PDE11A: variants seen among roughly 807,000 people sequenced by gnomAD.
PDE11A encodes phosphodiesterase 11A.
In PDE11A, 100 loss-of-function variants were observed where a neutral mutation model predicts 100.5. The observed-to-expected ratio is 1.00, with a 90% CI of 0.85 to 1.18. The LOEUF (loss-of-function observed/expected upper bound fraction) is 1.18. Ranked by LOEUF, PDE11A falls within the 50% of genes most tolerant of loss-of-function variation. PDE11A has a pLI of 0.00. For missense variants in PDE11A, 1,141 were observed against 1,152.6 expected (o/e 0.99, Z 0.15); for synonymous variants, 381 against 420.8 (o/e 0.91, Z 1.16).
In PDE11A at chr2:178,071,870, T is replaced by C. The variant is rs2087136454; in HGVS notation, c.568A>G (p.Ile190Val). The stretch of plus-strand genomic sequence containing the variant: ...TTTTTCAGATGGCACTTGTAGTCGA[T>C]GGCTGTAGGGGGATACCGAGGCAGA... ...VNLPRYPPTA[I>V]DYKCHLKKHN... Residue 190 changes from isoleucine to valine, a missense_variant, in exon 1 of 20, where the codon ATC becomes GTC. Transcript: ENST00000286063. 2 of 1,614,034 alleles carry C rather than the reference T, an allele frequency of 1.2e-6. No homozygotes were observed. Among genetic ancestry groups the C allele is most frequent in the Admixed American group, 1.7e-5 (1 of 60,012 alleles).
chr2:177,877,444 C>T (rs1222722944), intron 4 of PDE11A, among the ~76,000 whole-genome samples: 1 of 152,130 alleles, frequency 6.6e-6, no homozygotes, highest in Non-Finnish European at 1.5e-5. Context: ...AGATTACAGG[C>T]ACGAGCCACC....
At chr2:177,825,173 T>TA (rs891239192) in intron 6 of PDE11A, among the ~76,000 whole-genome samples, 12 of 152,130 alleles carry the variant, frequency 7.9e-5, no homozygotes, top group Non-Finnish European at 5.9e-5. Flanking sequence ...TGATCAGGAA[T>TA]AAAAGTCAAG....
chr2:178,095,016 T>A (rs2087470410), intron 2 of PDE11A, among the ~76,000 whole-genome samples: 1 of 152,090 alleles, frequency 6.6e-6, no homozygotes, highest in African/African-American at 2.4e-5. Flanking sequence ...GAGATTTGGG[T>A]GGGGACACAG....
chr2:177,740,676 G>T (rs531865017), intron 10 of PDE11A, among the ~76,000 whole-genome samples: 9 of 152,186 alleles, frequency 5.9e-5, no homozygotes, highest in Non-Finnish European at 1.3e-4. Context: ...TCATTTGAAT[G>T]CCTCTTAGCT....
At chr2:177,970,182 A>C (rs2085752582) in intron 2 of PDE11A, among the ~76,000 whole-genome samples, 1 of 152,126 alleles carries the variant, frequency 6.6e-6, no homozygotes, top group East Asian at 1.9e-4. Context: ...CAATCCTGAA[A>C]CCATTCAAAT....
intron 2 of PDE11A, among the ~76,000 whole-genome samples, chr2:177,945,554 T>A (rs1282671426): frequency 6.8e-6 from 1 of 148,132 alleles, no homozygotes; most frequent in Non-Finnish European, 1.5e-5. Flanking sequence ...AGCCGCCCCG[T>A]CTGAGAAGTG....
At chr2:177,962,288 T>G (rs901115168) in intron 2 of PDE11A, among the ~76,000 whole-genome samples, 2 of 152,056 alleles carry the variant, frequency 1.3e-5, no homozygotes, top group African/African-American at 4.8e-5. Context: ...TCCAGTGTGT[T>G]GCACTTGGTA....
chr2:178,000,097 G>A (rs1463594226), intron 2 of PDE11A, among the ~76,000 whole-genome samples: 2 of 152,146 alleles, frequency 1.3e-5, no homozygotes, highest in Non-Finnish European at 2.9e-5. Flanking sequence ...ATCAGAATCT[G>A]CCAGTGAAAA....
At chr2:177,952,126 G>C (rs2085512575) in intron 2 of PDE11A, among the ~76,000 whole-genome samples, 2 of 152,186 alleles carry the variant, frequency 1.3e-5, no homozygotes, top group African/African-American at 2.4e-5. Context: ...TAAATGTCTT[G>C]CCATTACATG....
At chr2:178,015,422 GA>G (rs1432855915) in intron 1 of PDE11A, among the ~76,000 whole-genome samples, 1 of 151,284 alleles carries the variant, frequency 6.6e-6, no homozygotes, top group Admixed American at 6.6e-5. Flanking sequence ...GATCATGAAA[GA>G]CAAAAAAAAA....
intron 2 of PDE11A, chr2:177,998,790 G>T: frequency 1.4e-6 from 1 of 715,380 alleles, no homozygotes; most frequent in Non-Finnish European, 2.5e-6. Context: ...CAAGCCCAGG[G>T]CCTGCTCCCA....
chr2:178,101,000 T>C (rs2087552916), intron 2 of PDE11A, among the ~76,000 whole-genome samples: 1 of 152,234 alleles, frequency 6.6e-6, no homozygotes, highest in Non-Finnish European at 1.5e-5. Context: ...AGTTAAAAAC[T>C]GATCTATTCA....
upstream of PDE11A, chr2:178,072,904 G>A (rs2087158305): frequency 8.9e-7 from 1 of 1,128,218 alleles, no homozygotes; most frequent in Non-Finnish European, 1.1e-6. Context: ...CACGGCCCAG[G>A]CTGCCAGGCG....
chr2:177,769,378 T>G lies in PDE11A; in HGVS notation c.1738-5A>C. On this transcript the variant is annotated splice_region_variant and splice_polypyrimidine_tract_variant and intron_variant, in intron 9 of 19. Coordinates refer to ENST00000286063, the MANE Select transcript of PDE11A (RefSeq NM_016953.4). ...TGTTGCATGGTATGATAGCACCTGA[T>G]TCAGAAGAAAAAAAAATAATTTTAA... The G allele has an allele frequency of 6.4e-7, 1 of 1,554,362 alleles. No homozygotes were observed. Among genetic ancestry groups the G allele is most frequent in the Non-Finnish European group, 8.9e-7 (1 of 1,125,654 alleles).
chr2:177,697,562 T>C (rs2081132703), intron 14 of PDE11A, 130 bp from the exon 15 acceptor site: 1 of 643,994 alleles, frequency 1.6e-6, no homozygotes, highest in African/African-American at 1.8e-5. Context: ...AGTGAAATTT[T>C]GTATAAATAT....
intron 6 of PDE11A, among the ~76,000 whole-genome samples, chr2:177,832,853 A>G (rs1224400431): frequency 6.6e-6 from 1 of 152,028 alleles, no homozygotes; most frequent in Admixed American, 6.6e-5. Flanking sequence ...CAGACAGCAC[A>G]CTCCAAGGGA....
rs1040241747 is a variant in PDE11A at position 177,786,166 on chromosome 2, G to A, written c.1738-16793C>T. Among the ~76,000 whole-genome samples, 274 of 152,314 alleles carry A rather than the reference G, an allele frequency of 1.8e-3. 4 individuals carry two copies. The highest frequency in any genetic ancestry group is 6.4e-3 in the African/African-American group (264 of 41,562). On this transcript the variant is annotated intron_variant, in intron 9 of 19. Coordinates refer to ENST00000286063, the MANE Select transcript of PDE11A (RefSeq NM_016953.4). ...GTAGGGGCAGACTGACACCTCACAC[G>A]GCCGGGTACTCCTCTGAGACAAAAC...
intron 2 of PDE11A, among the ~76,000 whole-genome samples, chr2:177,954,350 T>C (rs949887337): frequency 2.0e-5 from 3 of 152,134 alleles, no homozygotes; most frequent in African/African-American, 7.2e-5. Context: ...GTATCCTCCA[T>C]AAAAGAGCCC....
chr2:177,814,866 G>A (rs1484852053), intron 9 of PDE11A, among the ~76,000 whole-genome samples: 2 of 152,158 alleles, frequency 1.3e-5, no homozygotes, highest in Non-Finnish European at 2.9e-5. Flanking sequence ...AGTGAGAGTG[G>A]TGCCTTTTAC....
Sources: gnomAD v4.1 joint callset for allele counts (sites outside exome capture counted in the v4.1 genomes callset) on GRCh38, gnomAD v4.1.1 for gene constraint, MANE v1.5 for transcripts, NCBI Gene and HGNC (gene_info 2026-07-23, HGNC 2026-07-21) for gene names.